KAZN: variants seen among roughly 807,000 people sequenced by gnomAD.
KAZN encodes kazrin, periplakin interacting protein.
Under a neutral mutation model 87.4 loss-of-function variants are expected in KAZN, and 40 were observed. The observed-to-expected ratio is 0.46, with a 90% CI of 0.36 to 0.60. KAZN has a LOEUF of 0.60. Among genes scored for constraint, KAZN ranks in the 20% least tolerant of loss-of-function variants. The probability of loss-of-function intolerance (pLI) is 0.00; values close to 1 mark genes in which losing one functional copy is unlikely to be tolerated. For synonymous variants in KAZN, 466 were observed against 458.3 expected (o/e 1.02, Z -0.22); for missense variants, 898 against 1,073.9 (o/e 0.84, Z 2.29).
intron 2 of KAZN, among the ~76,000 whole-genome samples, chr1:14,228,343 A>G (rs1160797475): frequency 6.6e-6 from 1 of 152,246 alleles, no homozygotes; most frequent in Non-Finnish European, 1.5e-5. Context: ...GCTGAGGCTT[A>G]GAAAGCTTAA....
chr1:13,906,344 C>A (rs984383532), intron 1 of KAZN, among the ~76,000 whole-genome samples: 8 of 152,192 alleles, frequency 5.3e-5, no homozygotes, highest in African/African-American at 1.9e-4. Flanking sequence ...GAGCAAACAA[C>A]CTCCAGGCTG....
intron 2 of KAZN, among the ~76,000 whole-genome samples, chr1:14,493,719 T>C (rs1013323717): frequency 6.6e-6 from 1 of 152,238 alleles, no homozygotes; most frequent in Non-Finnish European, 1.5e-5. Flanking sequence ...ATTTCTTATA[T>C]TCTTATGTCT....
intron 2 of KAZN, among the ~76,000 whole-genome samples, chr1:14,310,810 C>T (rs1655230191): frequency 6.6e-6 from 1 of 152,190 alleles, no homozygotes; most frequent in African/African-American, 2.4e-5. Context: ...CATCTCTTTC[C>T]AAAGGATGCA....
At chr1:14,858,117 C>T (rs753975931) in intron 1 of KAZN, among the ~76,000 whole-genome samples, 32 of 151,490 alleles carry the variant, frequency 2.1e-4, no homozygotes, top group Non-Finnish European at 3.8e-4. Context: ...CATGTTGCAG[C>T]GTGTATCAGT....
chr1:14,883,861 C>T (rs1653757729), intron 1 of KAZN, among the ~76,000 whole-genome samples: 1 of 152,154 alleles, frequency 6.6e-6, no homozygotes, highest in Non-Finnish European at 1.5e-5. Context: ...ACACCCCTTA[C>T]GGTTTGGGAT....
At chr1:14,455,577 A>ATATT (rs1667524857) in intron 2 of KAZN, among the ~76,000 whole-genome samples, 1 of 152,224 alleles carries the variant, frequency 6.6e-6, no homozygotes, top group Non-Finnish European at 1.5e-5. Flanking sequence ...ACATATTTGC[A>ATATT]TGAATATGGA....
chr1:14,983,346 A>G (rs934637870), intron 2 of KAZN, among the ~76,000 whole-genome samples: 7 of 152,326 alleles, frequency 4.6e-5, no homozygotes, highest in East Asian at 1.9e-4. Flanking sequence ...AAGTGGGCGC[A>G]GTAGATTCAG....
At chr1:15,013,592 A>T (rs980953325) in intron 2 of KAZN, among the ~76,000 whole-genome samples, 1 of 151,376 alleles carries the variant, frequency 6.6e-6, no homozygotes, top group African/African-American at 2.5e-5. Context: ...CGTCTCTATT[A>T]AAAAAATATA....
intron 2 of KAZN, among the ~76,000 whole-genome samples, chr1:14,351,331 C>T (rs1210486636): frequency 1.3e-5 from 2 of 152,126 alleles, no homozygotes; most frequent in Non-Finnish European, 1.5e-5. Flanking sequence ...TTTGGGAGGC[C>T]GAGGTGGGCA....
At chr1:14,805,420 A>G (rs948552072) in intron 1 of KAZN, among the ~76,000 whole-genome samples, 1 of 152,180 alleles carries the variant, frequency 6.6e-6, no homozygotes, top group African/African-American at 2.4e-5. Flanking sequence ...CATTGGCCAG[A>G]ACGTGGCTGC....
chr1:13,955,373 C>T, intron 1 of KAZN, among the ~76,000 whole-genome samples: 1 of 151,992 alleles, frequency 6.6e-6, no homozygotes, highest in Middle Eastern at 3.4e-3. Context: ...AAAGTGGCCT[C>T]AAGTTTTTAT....
chr1:14,541,184 A>G (rs1672788285), intron 2 of KAZN, among the ~76,000 whole-genome samples: 1 of 152,222 alleles, frequency 6.6e-6, no homozygotes, highest in South Asian at 2.1e-4. Flanking sequence ...TCTCACGGAA[A>G]TGTTAACCAT....
chr1:14,905,468 G>A (rs1363092411), intron 1 of KAZN, among the ~76,000 whole-genome samples: 1 of 152,202 alleles, frequency 6.6e-6, no homozygotes, highest in East Asian at 1.9e-4. Context: ...CCCCAGGCCT[G>A]CATCTGGCAC....
intron 1 of KAZN, among the ~76,000 whole-genome samples, chr1:13,993,320 T>C (rs113554579): frequency 1.3e-5 from 2 of 152,174 alleles, no homozygotes; most frequent in East Asian, 1.9e-4. Context: ...CTAGGCTGAT[T>C]GATACATATA....
At chr1:14,510,387 AAAAC>A (rs1382278608) in intron 2 of KAZN, among the ~76,000 whole-genome samples, 3 of 151,842 alleles carry the variant, frequency 2.0e-5, no homozygotes, top group Admixed American at 2.0e-4. Context: ...TCAAAAAAAA[AAAAC>A]AAACAGGATG....
At chr1:14,097,601 T>C (rs1644156702) in intron 1 of KAZN, among the ~76,000 whole-genome samples, 2 of 152,144 alleles carry the variant, frequency 1.3e-5, no homozygotes, top group Admixed American at 1.3e-4. Context: ...TACAGAATAA[T>C]GTATGTGAGG....
rs370667989 is a variant in KAZN, at chr1:14,188,278, A to G, written c.249+7686A>G. Among the ~76,000 whole-genome samples, 78 of 150,064 alleles carry G rather than the reference A, an allele frequency of 5.2e-4. No homozygotes were observed. In the South Asian group the frequency reaches 0.011, roughly 21 times the overall value. ...CTCATGCTTTATTGCATATATTTGTACTTTAGTTTTGTGTGTTAAGCATTA... is the reference window on the plus strand; with the variant it reads ...CTCATGCTTTATTGCATATATTTGTGCTTTAGTTTTGTGTGTTAAGCATTA... On this transcript the variant is annotated intron_variant, in intron 2 of 16. Coordinates refer to the KAZN transcript ENST00000636203.
At chr1:15,007,731 C>A (rs1237003120) in intron 2 of KAZN, among the ~76,000 whole-genome samples, 1 of 152,246 alleles carries the variant, frequency 6.6e-6, no homozygotes, top group Non-Finnish European at 1.5e-5. Context: ...GTGGGTATCT[C>A]CACAGCGGAG....
At chr1:15,003,249 C>G (rs1352221560) in intron 2 of KAZN, among the ~76,000 whole-genome samples, 1 of 152,164 alleles carries the variant, frequency 6.6e-6, no homozygotes, top group Non-Finnish European at 1.5e-5. Context: ...ATGTAAATTG[C>G]AAAACACAGG....
Sources: allele counts gnomAD v4.1 joint callset (sites outside exome capture counted in the v4.1 genomes callset), GRCh38; gene constraint gnomAD v4.1.1; transcripts MANE v1.5; gene names NCBI Gene and HGNC (gene_info 2026-07-23, HGNC 2026-07-21).